The following SPON2 variants were observed in gnomAD, a reference collection of about 807,000 sequenced individuals.
The protein encoded by SPON2 is spondin-2.
SPON2 carries 32 observed loss-of-function variants against 29.9 expected under a neutral mutation model. The observed-to-expected ratio is 1.07, with a 90% CI of 0.81 to 1.44. The LOEUF (loss-of-function observed/expected upper bound fraction) is 1.44. Among genes scored for constraint, SPON2 ranks in the 40% most tolerant of loss-of-function variants. The pLI, the probability that SPON2 is intolerant of heterozygous loss-of-function variation, is 0.00. For missense variants in SPON2, 541 were observed against 455.5 expected (o/e 1.19, Z -1.71); for synonymous variants, 248 against 209.1 (o/e 1.19, Z -1.61).
chr4:1,176,318 A>G (rs1727592735), upstream of SPON2, among the ~76,000 whole-genome samples: 1 of 151,918 alleles, frequency 6.6e-6, no homozygotes, highest in South Asian at 2.1e-4. Flanking sequence ...GTGTCCCCCC[A>G]CCCACACAGA....
upstream of SPON2, chr4:1,208,760 G>A (rs921216442): frequency 2.0e-5 from 3 of 152,296 alleles, no homozygotes; most frequent in Non-Finnish European, 4.4e-5. Context: ...ATGCCTCCAC[G>A]GCTGGCATAC....
At chr4:1,167,738 GTGTGCATTC>G in intron 5 of SPON2, 82 bp from the exon 6 acceptor site, 1 of 1,449,316 alleles carries the variant, frequency 6.9e-7, no homozygotes, top group African/African-American at 1.4e-5. Flanking sequence ...TCCCACCAAC[GTGTGCATTC>G]ATCAGAGGCC....
chr4:1,167,499 A>C lies in SPON2; in HGVS notation c.969T>G (p.Ala323=). Reference sequence around the variant, plus strand: ...AGACGCAGTTATCAGGGACGCACTCAGCCTCTTCTTCGAGCTCGGGGCAGG... The same window carrying C: ...AGACGCAGTTATCAGGGACGCACTCCGCCTCTTCTTCGAGCTCGGGGCAGG... ...GSPCPELEEE[A]ECVPDNCV Residue 323 remains alanine, a synonymous_variant, in exon 6 of 6, where the codon GCT becomes GCG. Transcript: ENST00000290902. The C allele has an allele frequency of 6.2e-7, 1 of 1,613,754 alleles. No homozygotes were observed. The highest frequency in any genetic ancestry group is 8.5e-7 in the Non-Finnish European group (1 of 1,179,954).
intron 3 of SPON2, 25 bp from the exon 4 acceptor site, chr4:1,171,215 C>T: frequency 2.1e-6 from 3 of 1,461,988 alleles, no homozygotes; most frequent in Non-Finnish European, 2.7e-6. Context: ...GCTCAGCGCG[C>T]CTGGCCCCGG....
chr4:1,169,990 C>T (rs534680239), intron 5 of SPON2: 9 of 215,648 alleles, frequency 4.2e-5, no homozygotes, highest in Middle Eastern at 1.7e-3. Flanking sequence ...AGCAGAGCCC[C>T]GAGCTGTGTG....
upstream of SPON2, among the ~76,000 whole-genome samples, chr4:1,196,559 G>T (rs550886543): frequency 2.6e-5 from 4 of 152,280 alleles, no homozygotes; most frequent in African/African-American, 9.6e-5. Flanking sequence ...AGTGACCAGG[G>T]TTGCTGCCTG....
Position 1,202,412 on chromosome 4 carries a change from C to G in SPON2, c.-234+5468G>C, listed in dbSNP as rs544562456. Among the ~76,000 whole-genome samples the G allele has an allele frequency of 5.5e-4, 84 of 152,336 alleles. 1 individual carries two copies. The highest frequency in any genetic ancestry group is 2.0e-3 in the African/African-American group (82 of 41,576). On this transcript the variant is annotated intron_variant, in intron 1 of 3. Coordinates refer to the SPON2 transcript ENST00000509233. This position sits in a 1 kb window ranked among gnomAD's most constrained non-coding sequence, Gnocchi z 5.4. Reference sequence around the variant, plus strand: ...GAAACGTTCCAACCACGGCACTGCACGCCAGGCCCAGTACTCACCGCTCTC... The same window carrying G: ...GAAACGTTCCAACCACGGCACTGCAGGCCAGGCCCAGTACTCACCGCTCTC...
chr4:1,199,566 G>T (rs1052926406), upstream of SPON2: 1 of 152,216 alleles, frequency 6.6e-6, no homozygotes, highest in African/African-American at 2.4e-5. The surrounding 1 kb of genome is among the most constrained non-coding windows in gnomAD (Gnocchi z 4.5). Context: ...GGGGGTGAAG[G>T]TTAGGATGCT....
At chr4:1,193,555 G>A (rs953845423) in intron 1 of SPON2, among the ~76,000 whole-genome samples, 2 of 144,488 alleles carry the variant, frequency 1.4e-5, no homozygotes, top group Admixed American at 6.9e-5. Context: ...CCCAGCAACA[G>A]GGGTCACTCC....
chr4:1,184,299 C>G (rs1464030783), intron 1 of SPON2, among the ~76,000 whole-genome samples: 1 of 152,146 alleles, frequency 6.6e-6, no homozygotes, highest in African/African-American at 2.4e-5. Flanking sequence ...ATGAATTAAA[C>G]TCTCTACTCA....
At chr4:1,200,537 T>C in intron 1 of SPON2, 1 of 315,698 alleles carries the variant, frequency 3.2e-6, no homozygotes, top group South Asian at 2.7e-5. Flanking sequence ...CAGGATGTTA[T>C]GGATCTGGCA....
chr4:1,167,394 G>C lies in SPON2; in HGVS notation c.*78C>G. The stretch of plus-strand genomic sequence containing the variant: ...CGCGAAACCCCCTGTGCCCTCGGCC[G>C]CCTGCAGCATGAGCCTGCACAGGAG... On this transcript the variant is annotated 3_prime_UTR_variant, in exon 6 of 6. Transcript: ENST00000290902. The C allele has an allele frequency of 6.9e-7, 1 of 1,441,906 alleles. No homozygotes were observed. 89.3% of individuals were successfully genotyped at this position (1,441,906 alleles called of 1,614,324 possible).
chr4:1,177,599 C>T (rs908986869), upstream of SPON2, among the ~76,000 whole-genome samples: 4 of 152,154 alleles, frequency 2.6e-5, no homozygotes, highest in Admixed American at 6.5e-5. Flanking sequence ...CAGGCTGTGG[C>T]CCTGCCCCGG....
chr4:1,175,226 A>G (rs1577900839), upstream of SPON2, among the ~76,000 whole-genome samples: 1 of 152,334 alleles, frequency 6.6e-6, no homozygotes, highest in East Asian at 1.9e-4. Context: ...GAGAGGAAGG[A>G]GGCGCCGGGT....
chr4:1,170,470 G>A lies in SPON2; in HGVS notation c.743C>T (p.Pro248Leu), dbSNP rs575317710. 1.1e-5 allele frequency: 18 copies of A among 1,614,062 alleles called. No homozygotes were observed. In the South Asian group the frequency reaches 1.8e-4, roughly 16 times the overall value. Residue 248 changes from proline (P) to leucine (L), a missense_variant, in exon 5 of 6, where the codon CCC becomes CTC. Pro to Leu is a moderately conservative substitution (Grantham distance 98). Transcript: ENST00000290902. ...TGGGGCGGGAGGGATGAAGGCCCTGGGGCTCTGTCGCAGCCGCACCAGTGT... is the reference window on the plus strand; with the variant it reads ...TGGGGCGGGAGGGATGAAGGCCCTGAGGCTCTGTCGCAGCCGCACCAGTGT... ...RVTLVRLRQS[P>L]RAFIPPAPVL...
chr4:1,205,336 T>G (rs377761304), intron 1 of SPON2, among the ~76,000 whole-genome samples: 1 of 152,050 alleles, frequency 6.6e-6, no homozygotes, highest in African/African-American at 2.4e-5. Context: ...GAACTGGGCA[T>G]GGGGGGAGGC....
At chr4:1,176,925 T>C (rs1727615858), upstream of SPON2, among the ~76,000 whole-genome samples, 1 of 152,266 alleles carries the variant, frequency 6.6e-6, no homozygotes, top group Non-Finnish European at 1.5e-5. Flanking sequence ...AAGGTGAGTA[T>C]TCCTTGCATC....
chr4:1,200,868 C>G (rs1335590345), intron 1 of SPON2: 1 of 456,752 alleles, frequency 2.2e-6, no homozygotes, highest in South Asian at 1.5e-5. Context: ...TGCCACCAAC[C>G]AGGCCTGACC....
chr4:1,191,502 G>C (rs540434892), intron 1 of SPON2, among the ~76,000 whole-genome samples: 22 of 152,366 alleles, frequency 1.4e-4, no homozygotes, highest in African/African-American at 5.3e-4. Flanking sequence ...TAAAAGTCGT[G>C]AGTTTTGGCC....
Sources: allele counts gnomAD v4.1 joint callset (sites outside exome capture counted in the v4.1 genomes callset), GRCh38; gene constraint gnomAD v4.1.1; non-coding constraint Gnocchi (gnomAD v3.1); transcripts MANE v1.5; gene names NCBI Gene and HGNC (gene_info 2026-07-23, HGNC 2026-07-21).